The following INSR variants were observed in gnomAD, a reference collection of about 807,000 sequenced individuals.
INSR encodes insulin receptor.
A neutral mutation model predicts 142.6 loss-of-function variants in INSR; 67 were observed. The ratio of observed to expected loss-of-function variants is 0.47; its 90% CI spans 0.39 to 0.58. The LOEUF (loss-of-function observed/expected upper bound fraction) is 0.58, where lower values mean the gene tolerates loss of function less well. Among genes scored for constraint, INSR ranks in the 20% least tolerant of loss-of-function variants. The probability of loss-of-function intolerance (pLI) is 0.00; values close to 1 mark genes in which losing one functional copy is unlikely to be tolerated. For synonymous variants in INSR, 756 were observed against 743.1 expected (o/e 1.02, Z -0.28); for missense variants, 1,248 against 1,833.2 (o/e 0.68, Z 5.83).
chr19:7,238,396 G>A (rs1976228637), intron 2 of INSR, among the ~76,000 whole-genome samples: 1 of 152,012 alleles, frequency 6.6e-6, no homozygotes, highest in Non-Finnish European at 1.5e-5. Flanking sequence ...GAGGTGCGTA[G>A]ATCACTTGAG....
At chr19:7,207,054 G>A (rs1600016173) in intron 2 of INSR, among the ~76,000 whole-genome samples, 2 of 152,136 alleles carry the variant, frequency 1.3e-5, no homozygotes, top group African/African-American at 4.8e-5. Context: ...TCTGAGGCCT[G>A]TGATTATAGA....
intron 2 of INSR, among the ~76,000 whole-genome samples, chr19:7,265,854 A>G (rs1225686579): frequency 1.3e-5 from 2 of 152,226 alleles, no homozygotes; most frequent in African/African-American, 4.8e-5. Context: ...TCTGAACTCC[A>G]TAAACATTTT....
chr19:7,265,860 A>G (rs1967709575), intron 2 of INSR, among the ~76,000 whole-genome samples: 1 of 152,208 alleles, frequency 6.6e-6, no homozygotes, highest in African/African-American at 2.4e-5. Flanking sequence ...CTCCATAAAC[A>G]TTTTAAGCTT....
intron 2 of INSR, among the ~76,000 whole-genome samples, chr19:7,244,779 G>A (rs1976478135): frequency 6.6e-6 from 1 of 152,108 alleles, no homozygotes; most frequent in Non-Finnish European, 1.5e-5. Context: ...TTGAAAATCA[G>A]TCAGATTTGC....
At chr19:7,260,177 C>G (rs1172000786) in intron 2 of INSR, among the ~76,000 whole-genome samples, 1 of 152,140 alleles carries the variant, frequency 6.6e-6, no homozygotes, top group Non-Finnish European at 1.5e-5. Context: ...CAATACCACA[C>G]TTTGAGAGAC....
intron 2 of INSR, among the ~76,000 whole-genome samples, chr19:7,221,813 G>C (rs1975628417): frequency 6.6e-6 from 1 of 151,946 alleles, no homozygotes. Context: ...CCTTCTCTAG[G>C]CAATTCAGCT....
intron 1 of INSR, among the ~76,000 whole-genome samples, chr19:7,290,502 A>C (rs1042764472): frequency 4.0e-5 from 6 of 151,268 alleles, no homozygotes; most frequent in African/African-American, 1.5e-4. Context: ...GCCCGGAGTG[A>C]TGGCTCACAC....
At chr19:7,176,734 C>T (rs73486574) in intron 3 of INSR, among the ~76,000 whole-genome samples, 10,618 of 152,288 alleles carry the variant, frequency 0.07, 415 homozygotes, top group African/African-American at 0.092. Context: ...GCAGAAGCTG[C>T]TATGCTTCCC....
intron 2 of INSR, among the ~76,000 whole-genome samples, chr19:7,233,017 C>T (rs1976034627): frequency 6.6e-6 from 1 of 151,978 alleles, no homozygotes; most frequent in African/African-American, 2.4e-5. Flanking sequence ...AGACAGTCTC[C>T]CTCTGTCACC....
At chr19:7,277,016 C>G (rs1368765904) in intron 1 of INSR, among the ~76,000 whole-genome samples, 8 of 152,126 alleles carry the variant, frequency 5.3e-5, no homozygotes, top group Non-Finnish European at 1.0e-4. Flanking sequence ...CAGGTGTGAG[C>G]CACCGTGCCT....
intron 2 of INSR, among the ~76,000 whole-genome samples, chr19:7,223,935 C>G (rs1167655555): frequency 2.1e-5 from 3 of 143,790 alleles, no homozygotes; most frequent in African/African-American, 7.6e-5. Flanking sequence ...CCAGAATAGA[C>G]TGGAACAAAA....
chr19:7,264,630 C>A (rs1967666944), intron 2 of INSR, among the ~76,000 whole-genome samples: 1 of 152,164 alleles, frequency 6.6e-6, no homozygotes, highest in Non-Finnish European at 1.5e-5. Context: ...CCCACTCCTC[C>A]AAAAAATCAT....
chr19:7,166,967 G>A lies in INSR; in HGVS notation c.1611-563C>T, dbSNP rs1476188353. Among the ~76,000 whole-genome samples, 1 of 151,966 alleles carries A rather than the reference G, an allele frequency of 6.6e-6. No homozygotes were observed. Among genetic ancestry groups the A allele is most frequent in the Non-Finnish European group, 1.5e-5 (1 of 68,014 alleles). On this transcript the variant is annotated intron_variant, in intron 7 of 21. Coordinates refer to ENST00000302850, the MANE Select transcript of INSR (RefSeq NM_000208.4). The surrounding 1 kb of genome is among the most constrained non-coding windows in gnomAD (Gnocchi z 4.1). ...TAAATAAATGCTTGGGACCAGAAGT[G>A]TTTTGGATTTTGGATATTTTGGGGT... is the stretch of plus-strand genomic sequence containing the variant.
intron 1 of INSR, among the ~76,000 whole-genome samples, chr19:7,278,726 G>T (rs1381077908): frequency 2.0e-5 from 3 of 152,174 alleles, no homozygotes; most frequent in Admixed American, 2.0e-4. Flanking sequence ...TGGTGTGGTG[G>T]CGTGTGCCTG....
chr19:7,287,557 C>T (rs1053417391), intron 1 of INSR, among the ~76,000 whole-genome samples: 1 of 151,982 alleles, frequency 6.6e-6, no homozygotes. Context: ...GTTCTAGATA[C>T]AGGGTTGAGA....
In INSR at chr19:7,286,962, T is replaced by C. The variant is rs180781941; in HGVS notation, c.100+6830A>G. 5.9e-5 allele frequency among the ~76,000 whole-genome samples: 9 copies of C among 151,986 alleles called. No individual in the cohort carries two copies. The East Asian group carries it at 1.5e-3, about 26-fold the overall frequency. On this transcript the variant is annotated intron_variant, in intron 1 of 21. Coordinates refer to ENST00000302850, the MANE Select transcript of INSR (RefSeq NM_000208.4). ...TCCAGCCTCAAGAGGTCCTCCCATC[T>C]CAGCCTCCCAAGTAGCTGGGACTAC...
At position 7,141,664 on chromosome 19, in the gene INSR, T is replaced by C. The variant is rs192041097; in HGVS notation, c.2682+13A>G. The C allele has an allele frequency of 6.2e-7, 1 of 1,613,966 alleles. No homozygotes were observed. The highest frequency in any genetic ancestry group is 8.5e-7 in the Non-Finnish European group (1 of 1,179,958). On this transcript the variant is annotated intron_variant, in intron 13 of 21. Coordinates refer to ENST00000302850, the MANE Select transcript of INSR (RefSeq NM_000208.4). ...AAGTGTGCAGGGGCATGCCCAAGAG[T>C]CAAGGGCCTTACCTCATCACCATAT...
At chr19:7,155,168 C>T (rs529755258) in intron 9 of INSR, among the ~76,000 whole-genome samples, 58 of 152,120 alleles carry the variant, frequency 3.8e-4, no homozygotes, top group African/African-American at 1.0e-3. Context: ...ATCCACATAT[C>T]GTGGTGTAAA....
At chr19:7,141,584 T>C (rs1973069758) in intron 13 of INSR, 93 bp downstream of exon 13, 22 of 1,564,176 alleles carry the variant, frequency 1.4e-5, no homozygotes, top group Non-Finnish European at 1.9e-5. Flanking sequence ...AGCACTGGAA[T>C]CAAAATTTCA....
Sources: gnomAD v4.1 joint callset for allele counts (sites outside exome capture counted in the v4.1 genomes callset) on GRCh38, gnomAD v4.1.1 for gene constraint, Gnocchi (gnomAD v3.1) non-coding constraint, MANE v1.5 for transcripts, NCBI Gene and HGNC (gene_info 2026-07-23, HGNC 2026-07-21) for gene names.